The following RYR3 variants were observed in gnomAD, a reference collection of about 807,000 sequenced individuals.
RYR3 encodes the protein ryanodine receptor 3, also known as brain ryanodine receptor-calcium release channel.
In RYR3, 207 loss-of-function variants were observed where a neutral mutation model predicts 584.3. That is an observed-to-expected ratio of 0.35 (90% CI 0.32 to 0.40). The LOEUF (loss-of-function observed/expected upper bound fraction) is 0.40. RYR3 is among the 10% of genes least tolerant of loss of function. RYR3 has a pLI of 1.00. For synonymous variants in RYR3, 2,416 were observed against 2,248.5 expected (o/e 1.07, Z -2.11); for missense variants, 5,616 against 6,089.2 (o/e 0.92, Z 2.59).
chr15:33,733,883 C>T (rs958558329), intron 48 of RYR3, among the ~76,000 whole-genome samples: 2 of 151,976 alleles, frequency 1.3e-5, no homozygotes, highest in African/African-American at 4.8e-5. Context: ...TGCTGTGAAC[C>T]GAAAACTGCT....
intron 14 of RYR3, among the ~76,000 whole-genome samples, chr15:33,582,967 C>CT (rs2058668681): frequency 6.6e-6 from 1 of 152,198 alleles, no homozygotes. Flanking sequence ...TGCGTCTACT[C>CT]TTTTTGCCCT....
Position 33,596,497 on chromosome 15 carries a change from G to GC in RYR3, c.1789-4922_1789-4921insC, listed in dbSNP as rs1371411299. ...CCAACTCAATATTGTTCTTTTTTTG[G>GC]GGGGGGGGGATTTCTGACTTCTTTT... On this transcript the variant is annotated intron_variant, in intron 16 of 103. Transcript: ENST00000634891. Among the ~76,000 whole-genome samples, 275 of 132,172 alleles carry GC rather than the reference G, an allele frequency of 2.1e-3. 1 individual carries two copies. Among genetic ancestry groups the GC allele is most frequent in the African/African-American group, 7.3e-3 (257 of 35,278 alleles). The allele number at this position is 132,172 out of a possible 152,430, so 86.7% of individuals were successfully genotyped here.
At chr15:33,753,847 A>G (rs1248922103) in intron 57 of RYR3, among the ~76,000 whole-genome samples, 1 of 152,226 alleles carries the variant, frequency 6.6e-6, no homozygotes, top group East Asian at 1.9e-4. Context: ...TTGCTGATAA[A>G]TAACTTGCTC....
intron 2 of RYR3, among the ~76,000 whole-genome samples, chr15:33,487,736 A>C (rs1274715062): frequency 6.6e-6 from 1 of 152,232 alleles, no homozygotes. Context: ...CAGGCAGAAC[A>C]AAAAGGGTCA....
intron 93 of RYR3, among the ~76,000 whole-genome samples, chr15:33,848,078 G>T (rs1471439911): frequency 6.6e-6 from 1 of 152,166 alleles, no homozygotes; most frequent in Non-Finnish European, 1.5e-5. Context: ...AAAACTTAAA[G>T]GGTGACCCAA....
intron 45 of RYR3, among the ~76,000 whole-genome samples, chr15:33,725,818 A>C (rs1190259950): frequency 1.3e-5 from 2 of 150,602 alleles, no homozygotes; most frequent in Non-Finnish European, 3.0e-5. Context: ...AAAATACAAA[A>C]AATTAGCCAG....
chr15:33,586,896 A>G (rs2058877379), intron 16 of RYR3, among the ~76,000 whole-genome samples: 1 of 152,118 alleles, frequency 6.6e-6, no homozygotes, highest in South Asian at 2.1e-4. Flanking sequence ...CAGACGCGAT[A>G]TTCAACGGCT....
At chr15:33,734,152 A>G (rs904213438) in intron 48 of RYR3, among the ~76,000 whole-genome samples, 1 of 152,166 alleles carries the variant, frequency 6.6e-6, no homozygotes, top group African/African-American at 2.4e-5. Context: ...CCAGGCCCCA[A>G]AAAGGGTTTT....
intron 43 of RYR3, 87 bp downstream of exon 43, chr15:33,707,141 T>G: frequency 6.8e-7 from 1 of 1,470,520 alleles, no homozygotes; most frequent in East Asian, 2.3e-5. Context: ...TTTCCATTGC[T>G]TCTTATCTGA....
At chr15:33,709,894 C>A (rs1050657625) in intron 43 of RYR3, among the ~76,000 whole-genome samples, 2 of 152,096 alleles carry the variant, frequency 1.3e-5, no homozygotes, top group African/African-American at 4.8e-5. Flanking sequence ...ACCTAAATGC[C>A]AAGTTGAAAA....
At chr15:33,459,941 C>T (rs545433234) in intron 1 of RYR3, among the ~76,000 whole-genome samples, 4 of 152,134 alleles carry the variant, frequency 2.6e-5, no homozygotes, top group South Asian at 4.2e-4. Flanking sequence ...ATTCTAGTCT[C>T]GGTTACAAAA....
chr15:33,772,423 C>T (rs948084254), intron 63 of RYR3, among the ~76,000 whole-genome samples: 7 of 152,330 alleles, frequency 4.6e-5, no homozygotes, highest in African/African-American at 7.2e-5. Flanking sequence ...GCCTGTCTAG[C>T]TCTCAGCTAT....
intron 1 of RYR3, among the ~76,000 whole-genome samples, chr15:33,336,136 AG>A (rs1970937049): frequency 6.6e-6 from 1 of 152,176 alleles, no homozygotes; most frequent in Non-Finnish European, 1.5e-5. Flanking sequence ...AGTCTATGAA[AG>A]TGAGATAAAA....
chr15:33,643,278 G>A (rs1423899595), intron 27 of RYR3, among the ~76,000 whole-genome samples: 4 of 152,078 alleles, frequency 2.6e-5, no homozygotes, highest in African/African-American at 7.2e-5. Flanking sequence ...AGCCTCCAGC[G>A]GTCCTCCAGC....
In RYR3 at chr15:33,837,989, A is replaced by G; in HGVS notation, c.12009A>G (p.Glu4003=). The G allele has an allele frequency of 6.2e-7, 1 of 1,614,016 alleles. No homozygotes were observed. The highest frequency in any genetic ancestry group is 8.5e-7 in the Non-Finnish European group (1 of 1,179,902). ...CTGTGTTATTGACAAATCTTTCTGA[A>G]CACATGCCAAACGATTCCCGCCTGA... ...NVAVLLTNLS[E]HMPNDSRLKC... is the part of the protein sequence containing the mutation. Residue 4003 remains glutamate (E), a synonymous_variant, in exon 89 of 104, where the codon GAA becomes GAG. Transcript: ENST00000634891.
chr15:33,552,736 A>C (rs1349391547), intron 10 of RYR3, among the ~76,000 whole-genome samples: 1 of 152,174 alleles, frequency 6.6e-6, no homozygotes, highest in Admixed American at 6.5e-5. Flanking sequence ...GAAGCTGCAC[A>C]ATAAGGAAGA....
chr15:33,445,226 GGT>G (rs2046534051), intron 1 of RYR3, among the ~76,000 whole-genome samples: 1 of 152,152 alleles, frequency 6.6e-6, no homozygotes, highest in Non-Finnish European at 1.5e-5. Flanking sequence ...TAGCAGTGAG[GGT>G]GATGCGAAGG....
intron 2 of RYR3, among the ~76,000 whole-genome samples, chr15:33,499,777 G>C (rs1567379501): frequency 6.6e-6 from 1 of 152,200 alleles, no homozygotes; most frequent in Non-Finnish European, 1.5e-5. Context: ...TAGTCGATCA[G>C]AGATTTGACT....
At position 33,837,854 on chromosome 15, in the gene RYR3, G is replaced by A. The variant is rs1437479106; in HGVS notation, c.11874G>A (p.Glu3958=). The change falls in exon 89 of 104, where the codon GAG becomes GAA. Residue 3958 remains glutamate, a synonymous_variant. Transcript: ENST00000634891. ...GGCAAAAACAGTACACGCAGTCAGA[G>A]ATTGACTTTCTCCTGTCGTGTGCAG... is the stretch of plus-strand genomic sequence containing the variant. ...MEGQKQYTQS[E]IDFLLSCAEA... The A allele has an allele frequency of 1.9e-6, 3 of 1,614,032 alleles. No individual in the cohort carries two copies. Among genetic ancestry groups the A allele is most frequent in the Non-Finnish European group, 1.7e-6 (2 of 1,179,902 alleles).
Sources: allele counts gnomAD v4.1 joint callset (sites outside exome capture counted in the v4.1 genomes callset), GRCh38; gene constraint gnomAD v4.1.1; transcripts MANE v1.5; gene names NCBI Gene and HGNC (gene_info 2026-07-23, HGNC 2026-07-21).